The following TRERF1 variants were observed in gnomAD, a reference collection of about 807,000 sequenced individuals.
The protein encoded by TRERF1 is transcriptional regulating factor 1, also known as transcriptional-regulating factor 1.
Under a neutral mutation model 122.9 loss-of-function variants are expected in TRERF1, and 27 were observed. That is an observed-to-expected ratio of 0.22 (90% CI 0.16 to 0.30). The LOEUF is 0.30. Among genes scored for constraint, TRERF1 ranks in the 10% least tolerant of loss-of-function variants. The pLI is 1.00. For missense variants in TRERF1, 1,248 were observed against 1,560.3 expected (o/e 0.80, Z 3.37); for synonymous variants, 636 against 641.7 (o/e 0.99, Z 0.13).
At chr6:42,356,343 T>C (rs1449685080) in intron 3 of TRERF1, among the ~76,000 whole-genome samples, 1 of 152,106 alleles carries the variant, frequency 6.6e-6, no homozygotes, top group East Asian at 1.9e-4. Context: ...GAGAGATAAT[T>C]AAGTTTAGGT....
chr6:42,397,266 G>A (rs2151306024), intron 2 of TRERF1, among the ~76,000 whole-genome samples: 1 of 152,286 alleles, frequency 6.6e-6, no homozygotes, highest in African/African-American at 2.4e-5. Flanking sequence ...CATCTCATTT[G>A]TGAGACAAAA....
chr6:42,416,529 T>C lies in TRERF1; in HGVS notation c.-454+34648A>G, dbSNP rs1781862698. On this transcript the variant is annotated intron_variant, in intron 2 of 17. Coordinates refer to ENST00000372922, the Ensembl canonical transcript of TRERF1. The stretch of plus-strand genomic sequence containing the variant: ...ATCCTAAAGTTAACCTATCCTTACC[T>C]TCCTGTTCTGGAACTCCCGTGACCA... Among the ~76,000 whole-genome samples the C allele has an allele frequency of 2.0e-5, 3 of 152,300 alleles. No individual in the cohort carries two copies. The South Asian group carries it at 6.2e-4, about 32-fold the overall frequency.
At position 42,228,714 on chromosome 6, in the gene TRERF1, T is replaced by C; in HGVS notation, c.3279-45A>G. ...GGTGTGTAGAATTTAGAAGGAGATC[T>C]GAGTTCTTGGAAATCCAGGTGTCCT... is the stretch of plus-strand genomic sequence containing the variant. On this transcript the variant is annotated intron_variant, in intron 17 of 17. Coordinates refer to ENST00000372922, the Ensembl canonical transcript of TRERF1. This position sits in a 1 kb window ranked among gnomAD's most constrained non-coding sequence, Gnocchi z 4.2. 6.5e-7 allele frequency: 1 copy of C among 1,529,480 alleles called. No individual in the cohort carries two copies. 94.7% of individuals were successfully genotyped at this position (1,529,480 alleles called of 1,614,324 possible). A position where few individuals can be genotyped will look rare whatever the true frequency, so the allele number is the denominator to read the frequency against.
chr6:42,339,967 A>G (rs1766939739), intron 3 of TRERF1, among the ~76,000 whole-genome samples: 1 of 152,196 alleles, frequency 6.6e-6, no homozygotes, highest in Non-Finnish European at 1.5e-5. Flanking sequence ...GCGACCATCA[A>G]CATGTCTTGA....
At chr6:42,357,741 T>A (rs112159249) in intron 3 of TRERF1, among the ~76,000 whole-genome samples, 57 of 152,280 alleles carry the variant, frequency 3.7e-4, no homozygotes, top group African/African-American at 1.3e-3. Flanking sequence ...TTCACACCAG[T>A]CATGGCCTAA....
At chr6:42,361,138 G>A (rs888456039) in intron 3 of TRERF1, among the ~76,000 whole-genome samples, 1 of 152,200 alleles carries the variant, frequency 6.6e-6, no homozygotes, top group Non-Finnish European at 1.5e-5. Flanking sequence ...AACAGGGTTA[G>A]TGCCCTTATT....
At chr6:42,346,243 C>T (rs1768255452) in intron 3 of TRERF1, among the ~76,000 whole-genome samples, 1 of 152,206 alleles carries the variant, frequency 6.6e-6, no homozygotes, top group Admixed American at 6.5e-5. Context: ...CAGAGCCACC[C>T]CAGCCACTAC....
In TRERF1 at chr6:42,295,712, ATT is replaced by A. The variant is rs60109926; in HGVS notation, c.-259+4924_-259+4925del. Among the ~76,000 whole-genome samples, 4 of 151,868 alleles carry A rather than the reference ATT, an allele frequency of 2.6e-5. No individual in the cohort carries two copies. The South Asian group carries it at 6.3e-4, about 24-fold the overall frequency. ...TATGAAGATGTTTTAGACTTTATGC[ATT>A]TTTTTTGGTTACAAAGTCCTCTTGT... On this transcript the variant is annotated intron_variant, in intron 4 of 17. Coordinates refer to ENST00000372922, the Ensembl canonical transcript of TRERF1.
In TRERF1 at chr6:42,228,137, ATTAT is replaced by A; in HGVS notation, c.*204_*207del. 2.1e-6 allele frequency: 1 copy of A among 475,656 alleles called. No homozygotes were observed. The highest frequency in any genetic ancestry group is 3.7e-6 in the Non-Finnish European group (1 of 272,942). The allele number at this position is 475,656 out of a possible 1,614,324, so 29.5% of individuals were successfully genotyped here. A position where few individuals can be genotyped will look rare whatever the true frequency, so the allele number is the denominator to read the frequency against. On this transcript the variant is annotated 3_prime_UTR_variant, in exon 18 of 18. Coordinates refer to ENST00000372922, the Ensembl canonical transcript of TRERF1. This position sits in a 1 kb window ranked among gnomAD's most constrained non-coding sequence, Gnocchi z 4.2. Reference sequence around the variant, plus strand: ...ACACCTCTTAAAGATAGTTGTGCCAATTATTTATTCCCCCAACCCCCCACAAAAA... The same window carrying A: ...ACACCTCTTAAAGATAGTTGTGCCAATTATTCCCCCAACCCCCCACAAAAA...
intron 2 of TRERF1, among the ~76,000 whole-genome samples, chr6:42,442,585 C>G (rs115489412): frequency 0.02 from 3,066 of 152,326 alleles, 103 homozygotes; most frequent in African/African-American, 0.07. Context: ...AAAGTCAAGT[C>G]TTGGCCTTCA....
At chr6:42,430,107 G>A (rs1784262681) in intron 2 of TRERF1, among the ~76,000 whole-genome samples, 1 of 151,794 alleles carries the variant, frequency 6.6e-6, no homozygotes, top group African/African-American at 2.4e-5. Flanking sequence ...TAGAAAGACA[G>A]GGCCTCAGGG....
At chr6:42,308,613 A>C (rs1305328860) in intron 3 of TRERF1, among the ~76,000 whole-genome samples, 4 of 152,240 alleles carry the variant, frequency 2.6e-5, no homozygotes, top group African/African-American at 9.6e-5. Flanking sequence ...CATAAAGAAG[A>C]ACGAGATCGT....
intron 4 of TRERF1, among the ~76,000 whole-genome samples, chr6:42,274,075 C>T (rs1254845202): frequency 6.6e-6 from 1 of 152,218 alleles, no homozygotes; most frequent in Non-Finnish European, 1.5e-5. Context: ...CTAGATGGAA[C>T]CCTAGGTGGG....
intron 3 of TRERF1, among the ~76,000 whole-genome samples, chr6:42,315,118 CG>C (rs1026531855): frequency 6.6e-6 from 1 of 151,986 alleles, no homozygotes; most frequent in Non-Finnish European, 1.5e-5. Flanking sequence ...CGTGGTAGGA[CG>C]GGGTCTCCAT....
intron 2 of TRERF1, among the ~76,000 whole-genome samples, chr6:42,427,335 G>A (rs1231921036): frequency 6.6e-6 from 1 of 152,096 alleles, no homozygotes; most frequent in African/African-American, 2.4e-5. Flanking sequence ...ATAGCTCACT[G>A]CAGCCTCAAA....
At chr6:42,361,388 T>C (rs1771733379) in intron 3 of TRERF1, among the ~76,000 whole-genome samples, 1 of 152,234 alleles carries the variant, frequency 6.6e-6, no homozygotes, top group Admixed American at 6.5e-5. Context: ...AGTCTCTTCC[T>C]GGCACTTACT....
chr6:42,342,293 A>G (rs2150724330), intron 3 of TRERF1, among the ~76,000 whole-genome samples: 1 of 152,298 alleles, frequency 6.6e-6, no homozygotes, highest in South Asian at 2.1e-4. Context: ...GAACTCCCTC[A>G]GCCCTAGGCA....
rs70987594 is a variant in TRERF1 at position 42,422,504 on chromosome 6, CAAA to C, written c.-454+28670_-454+28672del. Among the ~76,000 whole-genome samples the C allele has an allele frequency of 4.1e-3, 496 of 120,652 alleles. 2 individuals carry two copies. The highest frequency in any genetic ancestry group is 8.3e-3 in the Middle Eastern group (2 of 242). The allele number at this position is 120,652 out of a possible 152,430, so 79.2% of individuals were successfully genotyped here. ...GGGCAACAGAGCCAGACCCTGTCTC[CAAA>C]AAAAAAAAAAAAAAAAAAATACAAA... is the stretch of plus-strand genomic sequence containing the variant. On this transcript the variant is annotated intron_variant, in intron 2 of 17. Coordinates refer to ENST00000372922, the Ensembl canonical transcript of TRERF1.
At chr6:42,324,604 C>T (rs1763976298) in intron 3 of TRERF1, among the ~76,000 whole-genome samples, 2 of 152,132 alleles carry the variant, frequency 1.3e-5, no homozygotes, top group African/African-American at 2.4e-5. Flanking sequence ...AGCCACACAC[C>T]TACAACCAAC....
Sources: allele counts gnomAD v4.1 joint callset (sites outside exome capture counted in the v4.1 genomes callset), GRCh38; gene constraint gnomAD v4.1.1; non-coding constraint Gnocchi (gnomAD v3.1); transcripts MANE v1.5; gene names NCBI Gene and HGNC (gene_info 2026-07-23, HGNC 2026-07-21).